The following ARHGAP25 variants were observed in gnomAD, a reference collection of about 807,000 sequenced individuals.
The protein encoded by ARHGAP25 is Rho GTPase activating protein 25, also known as rho GTPase-activating protein 25.
A neutral mutation model predicts 71.0 loss-of-function variants in ARHGAP25; 34 were observed. That is an observed-to-expected ratio of 0.48 (90% CI 0.36 to 0.64). The LOEUF is 0.64. ARHGAP25 is among the 30% of genes least tolerant of loss of function. ARHGAP25 has a pLI of 0.00. For synonymous variants in ARHGAP25, 282 were observed against 296.5 expected, an observed-to-expected ratio of 0.95 and a Z score of 0.50; for missense variants, 706 against 805.1, an observed-to-expected ratio of 0.88 and a Z score of 1.49.
chr2:68,767,215 C>T lies in ARHGAP25; in HGVS notation c.62-8006C>T, dbSNP rs891161720. Among the ~76,000 whole-genome samples the T allele has an allele frequency of 2.0e-5, 3 of 152,136 alleles. No individual in the cohort carries two copies. Among genetic ancestry groups the T allele is most frequent in the Admixed American group, 6.5e-5 (1 of 15,278 alleles). On this transcript the variant is annotated intron_variant, in intron 1 of 10. Coordinates refer to ENST00000409202, the MANE Select transcript of ARHGAP25 (RefSeq NM_001007231.3). The surrounding 1 kb of genome is among the most constrained non-coding windows in gnomAD (Gnocchi z 4.6). ...TTTTGAAGGGGCAGTGCTTTTCATA[C>T]TAAAGTTAAAAACGAAACTCAAAAG...
In ARHGAP25 at chr2:68,735,122, AAG is replaced by A. The variant is rs1675136502; in HGVS notation, c.-75_-74del. The A allele has an allele frequency of 8.4e-7, 1 of 1,192,978 alleles. No individual in the cohort carries two copies. Among genetic ancestry groups the A allele is most frequent in the African/African-American group, 1.5e-5 (1 of 66,530 alleles). 73.9% of individuals were successfully genotyped at this position (1,192,978 alleles called of 1,614,324 possible). Reference sequence around the variant, plus strand: ...AAAAACAGACACAAAAACAGAGGGAAAGAGTGAAAAGACAAGAAGGGCGCAAA... The same window carrying A: ...AAAAACAGACACAAAAACAGAGGGAAAGTGAAAAGACAAGAAGGGCGCAAA... On this transcript the variant is annotated 5_prime_UTR_variant, in exon 1 of 11. An upstream open reading frame in the 5' UTR loses its in-frame stop. Transcript: ENST00000409202.
intron 1 of ARHGAP25, among the ~76,000 whole-genome samples, chr2:68,763,398 TA>T (rs1242754365): frequency 6.6e-6 from 1 of 152,206 alleles, no homozygotes; most frequent in African/African-American, 2.4e-5. Flanking sequence ...GCCTGAATCC[TA>T]AAAATGTTTA....
intron 1 of ARHGAP25, among the ~76,000 whole-genome samples, chr2:68,746,715 A>G (rs1342344706): frequency 2.3e-5 from 3 of 131,578 alleles, no homozygotes; most frequent in African/African-American, 8.3e-5. Flanking sequence ...CCCCCTCCCC[A>G]TCCCCACAGG....
chr2:68,803,018 T>G (rs6730572), intron 4 of ARHGAP25, among the ~76,000 whole-genome samples: 107,525 of 151,028 alleles, frequency 0.71, 38,530 homozygotes, highest in Non-Finnish European at 0.75. Flanking sequence ...TATATATATA[T>G]AGAGAGAGAG....
In ARHGAP25 at chr2:68,785,831, G is replaced by A. The variant is rs78327672; in HGVS notation, c.350-2009G>A. Among the ~76,000 whole-genome samples the A allele has an allele frequency of 6.0e-3, 907 of 152,266 alleles. 6 individuals are homozygous for A. Among genetic ancestry groups the A allele is most frequent in the African/African-American group, 0.021 (863 of 41,540 alleles). ...TTTCCAACAAGAGAAATAGCCCAAAGGGTAACACATGTTGAACAGGCTGTG... is the reference window on the plus strand; with the variant it reads ...TTTCCAACAAGAGAAATAGCCCAAAAGGTAACACATGTTGAACAGGCTGTG... On this transcript the variant is annotated intron_variant, in intron 3 of 10. Coordinates refer to ENST00000409202, the MANE Select transcript of ARHGAP25 (RefSeq NM_001007231.3).
chr2:68,803,098 G>A (rs1011615182), intron 4 of ARHGAP25, among the ~76,000 whole-genome samples: 2 of 152,112 alleles, frequency 1.3e-5, no homozygotes, highest in African/African-American at 4.8e-5. Flanking sequence ...GGAATCATAT[G>A]CACTTTCCTA....
intron 4 of ARHGAP25, among the ~76,000 whole-genome samples, chr2:68,792,510 T>A (rs1420865393): frequency 6.6e-6 from 1 of 152,228 alleles, no homozygotes; most frequent in East Asian, 1.9e-4. Flanking sequence ...ACATGTGATA[T>A]CTTTCTGTGT....
At chr2:68,760,362 A>G (rs926570286) in intron 1 of ARHGAP25, among the ~76,000 whole-genome samples, 1 of 152,038 alleles carries the variant, frequency 6.6e-6, no homozygotes, top group African/African-American at 2.4e-5. Context: ...GGAGAGAAAT[A>G]AAAAGCATCC....
intron 3 of ARHGAP25, 116 bp from the exon 4 acceptor site, chr2:68,787,724 G>A (rs1463018400): frequency 1.3e-6 from 1 of 790,510 alleles, no homozygotes; most frequent in African/African-American, 1.7e-5. Flanking sequence ...TGTGTTGTTT[G>A]GCTGGTAGTG....
At chr2:68,824,697 A>G (rs544405253) in intron 10 of ARHGAP25, among the ~76,000 whole-genome samples, 24 of 152,170 alleles carry the variant, frequency 1.6e-4, no homozygotes, top group Non-Finnish European at 2.5e-4. Context: ...AGCCGAGATC[A>G]TGCCACTGCA....
chr2:68,760,785 C>T (rs1197291809), intron 1 of ARHGAP25, among the ~76,000 whole-genome samples: 1 of 148,454 alleles, frequency 6.7e-6, no homozygotes, highest in Non-Finnish European at 1.5e-5. Flanking sequence ...CAATTCCTAT[C>T]AAAATCCCAA....
intron 1 of ARHGAP25, chr2:68,735,531 C>T: frequency 1.8e-6 from 1 of 540,906 alleles, no homozygotes; most frequent in South Asian, 2.4e-5. Context: ...ACAGACTACA[C>T]ACAAAACTGT....
chr2:68,785,371 AG>A (rs1678682289), intron 3 of ARHGAP25, among the ~76,000 whole-genome samples: 1 of 152,208 alleles, frequency 6.6e-6, no homozygotes, highest in Non-Finnish European at 1.5e-5. Context: ...GCAGTGATGA[AG>A]GGGCTGTGAA....
At chr2:68,724,236 G>A (rs1381783038) in intron 2 of ARHGAP25, among the ~76,000 whole-genome samples, 1 of 152,060 alleles carries the variant, frequency 6.6e-6, no homozygotes, top group African/African-American at 2.4e-5. Flanking sequence ...CCTGGACTGG[G>A]CCCCAAACTC....
At chr2:68,821,092 C>CTTTTTTTTTTTTTTTTT (rs34119311) in intron 9 of ARHGAP25, among the ~76,000 whole-genome samples, 37 of 99,450 alleles carry the variant, frequency 3.7e-4, no homozygotes, top group Admixed American at 5.0e-4. Context: ...CTTTTTCTTT[C>CTTTTTTTTTTTTTTTTT]TTTTTTTTTT....
intron 9 of ARHGAP25, chr2:68,819,684 A>G (rs1681496043): frequency 1.8e-6 from 1 of 541,258 alleles, no homozygotes; most frequent in Non-Finnish European, 3.3e-6. Context: ...TTCTGGGTGA[A>G]CGTCCAGAGA....
intron 4 of ARHGAP25, among the ~76,000 whole-genome samples, chr2:68,794,587 T>C (rs574205407): frequency 2.0e-5 from 3 of 152,330 alleles, no homozygotes; most frequent in South Asian, 4.1e-4. Flanking sequence ...TTTGTGTATA[T>C]TGAATCATCC....
intron 1 of ARHGAP25, among the ~76,000 whole-genome samples, chr2:68,760,851 G>C (rs1386028750): frequency 1.4e-5 from 2 of 138,568 alleles, no homozygotes; most frequent in East Asian, 2.0e-4. Context: ...AAACTCAAGG[G>C]ATCCTGAATA....
At chr2:68,815,667 C>T (rs950761318) in intron 6 of ARHGAP25, among the ~76,000 whole-genome samples, 1 of 151,976 alleles carries the variant, frequency 6.6e-6, no homozygotes, top group South Asian at 2.1e-4. Context: ...GATTACAGAC[C>T]CTACAGGCAG....
Sources: gnomAD v4.1 joint callset for allele counts (sites outside exome capture counted in the v4.1 genomes callset) on GRCh38, gnomAD v4.1.1 for gene constraint, Gnocchi (gnomAD v3.1) non-coding constraint, MANE v1.5 for transcripts, NCBI Gene and HGNC (gene_info 2026-07-23, HGNC 2026-07-21) for gene names.